The following DENND2B variants were observed in gnomAD, a reference collection of about 807,000 sequenced individuals.
DENND2B encodes DENN domain containing 2B.
Under a neutral mutation model 116.0 loss-of-function variants are expected in DENND2B, and 32 were observed. The observed-to-expected ratio is 0.28, with a 90% CI of 0.21 to 0.37. The LOEUF (loss-of-function observed/expected upper bound fraction) is 0.37, where lower values mean the gene tolerates loss of function less well. Ranked by LOEUF, DENND2B falls within the 10% of genes least tolerant of loss-of-function variation. DENND2B has a pLI of 1.00. For missense variants in DENND2B, 1,276 were observed against 1,477.7 expected, an observed-to-expected ratio of 0.86 and a Z score of 2.24; for synonymous variants, 588 against 583.9, an observed-to-expected ratio of 1.01 and a Z score of -0.10.
rs11824487 is a variant in DENND2B at position 8,865,345 on chromosome 11, A to T, written c.-250+5609T>A. ...ACAATTACTTATGCTGATAGAAAAAAATATATATATTTTACTCCAAAAGGC... is the reference window on the plus strand; with the variant it reads ...ACAATTACTTATGCTGATAGAAAAATATATATATATTTTACTCCAAAAGGC... On this transcript the variant is annotated intron_variant, in intron 2 of 6. Transcript: ENST00000524757. Among the ~76,000 whole-genome samples the T allele has an allele frequency of 3.1e-3, 472 of 152,274 alleles. 5 individuals are homozygous for T. The highest frequency in any genetic ancestry group is 0.011 in the African/African-American group (441 of 41,548).
At chr11:8,818,205 G>T (rs2134534412) in intron 4 of DENND2B, among the ~76,000 whole-genome samples, 1 of 143,726 alleles carries the variant, frequency 7.0e-6, no homozygotes, top group African/African-American at 2.5e-5. Flanking sequence ...GGGGGTTGCA[G>T]TGAGCTGAGA....
chr11:8,700,560 C>G (rs1025520871), intron 14 of DENND2B, among the ~76,000 whole-genome samples: 13 of 152,068 alleles, frequency 8.5e-5, no homozygotes, highest in Admixed American at 7.9e-4. Flanking sequence ...AAGGAAATAC[C>G]CCAGGGATTC....
intron 1 of DENND2B, among the ~76,000 whole-genome samples, chr11:8,892,235 T>C (rs539990132): frequency 3.9e-5 from 6 of 152,242 alleles, no homozygotes; most frequent in African/African-American, 1.4e-4. Flanking sequence ...GGGACACATT[T>C]AAAGCAGTGT....
intron 1 of DENND2B, among the ~76,000 whole-genome samples, chr11:8,762,729 G>A (rs12295557): frequency 1.9e-3 from 295 of 152,286 alleles, no homozygotes; most frequent in African/African-American, 6.8e-3. Context: ...GCGTGGTGGC[G>A]CATGCCTGTA....
rs776462695 is a variant in DENND2B, at chr11:8,712,304, C to T, written c.2172+247G>A. Reference sequence around the variant, plus strand: ...GTGAACTGTATGGTATTCAATTGTTCTGGATTTTATTATAAGCACATTGAG... The same window carrying T: ...GTGAACTGTATGGTATTCAATTGTTTTGGATTTTATTATAAGCACATTGAG... On this transcript the variant is annotated intron_variant, in intron 9 of 19. Coordinates refer to ENST00000313726, the MANE Select transcript of DENND2B (RefSeq NM_213618.2). This position sits in a 1 kb window ranked among gnomAD's most constrained non-coding sequence, Gnocchi z 4.4. Among the ~76,000 whole-genome samples, 2 of 152,188 alleles carry T rather than the reference C, an allele frequency of 1.3e-5. No individual in the cohort carries two copies. Among genetic ancestry groups the T allele is most frequent in the Non-Finnish European group, 2.9e-5 (2 of 68,038 alleles).
At chr11:8,822,771 A>G (rs1206123075) in intron 4 of DENND2B, among the ~76,000 whole-genome samples, 1 of 152,160 alleles carries the variant, frequency 6.6e-6, no homozygotes, top group Non-Finnish European at 1.5e-5. Context: ...TCATTCCCTT[A>G]CATTTTTAAT....
exon 1 of DENND2B, chr11:8,910,945 GA>G (rs1566099854): frequency 1.3e-4 from 1 of 7,892 alleles, no homozygotes; most frequent in Admixed American, 9.1e-4. Context: ...CCCGACCCCC[GA>G]CCCCCGGCCC....
intron 14 of DENND2B, among the ~76,000 whole-genome samples, chr11:8,700,959 C>T (rs1335111979): frequency 2.6e-5 from 4 of 152,102 alleles, no homozygotes; most frequent in Admixed American, 6.5e-5. Context: ...GTAGCTGGGA[C>T]TACAGGCCCA....
At chr11:8,798,822 C>T (rs937302416) in intron 1 of DENND2B, among the ~76,000 whole-genome samples, 1 of 138,372 alleles carries the variant, frequency 7.2e-6, no homozygotes, top group African/African-American at 2.7e-5. Context: ...CAACAATTTC[C>T]GGTTGCTTTT....
intron 2 of DENND2B, among the ~76,000 whole-genome samples, chr11:8,738,056 G>A (rs1378043037): frequency 6.6e-6 from 1 of 152,094 alleles, no homozygotes. Context: ...CCTTGTGACT[G>A]TAATTGGAAT....
rs2040408954 is a variant in DENND2B at position 8,696,682 on chromosome 11, C to CA, written c.3053-17dup. 6.2e-7 allele frequency: 1 copy of CA among 1,612,672 alleles called. No homozygotes were observed. Among genetic ancestry groups the CA allele is most frequent in the Admixed American group, 1.7e-5 (1 of 59,944 alleles). On this transcript the variant is annotated splice_polypyrimidine_tract_variant and intron_variant, in intron 17 of 19. Coordinates refer to ENST00000313726, the MANE Select transcript of DENND2B (RefSeq NM_213618.2). ...GTATTACATTCTGGAAGGGAAAAGA[C>CA]AATCTTTGAGGTTCAGGTCAAGAGC...
At chr11:8,773,539 C>T (rs2057235527) in intron 1 of DENND2B, among the ~76,000 whole-genome samples, 1 of 152,144 alleles carries the variant, frequency 6.6e-6, no homozygotes, top group Admixed American at 6.5e-5. Flanking sequence ...TCTCGGAAAC[C>T]CAATTACCAT....
intron 14 of DENND2B, chr11:8,699,887 A>G: frequency 2.2e-6 from 1 of 456,462 alleles, no homozygotes; most frequent in Non-Finnish European, 4.4e-6. Flanking sequence ...GGCAGACCCC[A>G]GGCAGAACAG....
chr11:8,793,454 T>C (rs1291792106), intron 1 of DENND2B, among the ~76,000 whole-genome samples: 4 of 152,268 alleles, frequency 2.6e-5, no homozygotes. Context: ...TGCTTTTATA[T>C]ACGGCTTATT....
chr11:8,815,798 G>C (rs1394230555), intron 4 of DENND2B, among the ~76,000 whole-genome samples: 1 of 152,108 alleles, frequency 6.6e-6, no homozygotes, highest in Non-Finnish European at 1.5e-5. Context: ...ATCCACTTTA[G>C]TATTTCATTC....
intron 2 of DENND2B, among the ~76,000 whole-genome samples, chr11:8,747,150 C>T (rs1044757904): frequency 6.6e-6 from 1 of 152,186 alleles, no homozygotes; most frequent in African/African-American, 2.4e-5. Context: ...TAGCTAATGG[C>T]TTCTACGTGC....
chr11:8,803,626 T>A (rs1305762363), intron 1 of DENND2B, among the ~76,000 whole-genome samples: 1 of 152,218 alleles, frequency 6.6e-6, no homozygotes, highest in Non-Finnish European at 1.5e-5. Flanking sequence ...CAGCTAACAT[T>A]TATTGAGAGC....
At chr11:8,773,555 C>T (rs1275191714) in intron 1 of DENND2B, among the ~76,000 whole-genome samples, 1 of 152,158 alleles carries the variant, frequency 6.6e-6, no homozygotes, top group African/African-American at 2.4e-5. Context: ...ACCATCTGAC[C>T]CTATTGAGAC....
chr11:8,828,993 GGT>G (rs2062089976), intron 4 of DENND2B, among the ~76,000 whole-genome samples: 2 of 149,864 alleles, frequency 1.3e-5, no homozygotes, highest in African/African-American at 2.5e-5. Flanking sequence ...GCATGTGTGT[GGT>G]GTGTGTGTAG....
Sources: gnomAD v4.1 joint callset for allele counts (sites outside exome capture counted in the v4.1 genomes callset) on GRCh38, gnomAD v4.1.1 for gene constraint, Gnocchi (gnomAD v3.1) non-coding constraint, MANE v1.5 for transcripts, NCBI Gene and HGNC (gene_info 2026-07-23, HGNC 2026-07-21) for gene names.